TRIM2: variants seen among roughly 807,000 people sequenced by gnomAD.
The protein encoded by TRIM2 is tripartite motif containing 2.
A neutral mutation model predicts 75.2 loss-of-function variants in TRIM2; 20 were observed. The ratio of observed to expected loss-of-function variants is 0.27; its 90% CI spans 0.19 to 0.39. The LOEUF (loss-of-function observed/expected upper bound fraction) is 0.39, where lower values mean the gene tolerates loss of function less well. Ranked by LOEUF, TRIM2 falls within the 10% of genes least tolerant of loss-of-function variation. TRIM2 has a pLI of 1.00. For synonymous variants in TRIM2, 373 were observed against 388.3 expected (o/e 0.96, Z 0.46); for missense variants, 660 against 990.8 (o/e 0.67, Z 4.48).
chr4:153,334,760 C>A, intron 11 of TRIM2, 54 bp from the exon 12 acceptor site: 1 of 1,470,212 alleles, frequency 6.8e-7, no homozygotes, highest in South Asian at 1.3e-5. Flanking sequence ...AACCCATGTT[C>A]AGCATATTAC....
At chr4:153,278,484 A>C (rs949254604) in intron 3 of TRIM2, among the ~76,000 whole-genome samples, 1 of 152,122 alleles carries the variant, frequency 6.6e-6, no homozygotes, top group African/African-American at 2.4e-5. Flanking sequence ...AATTTACACC[A>C]GTGTCTATAG....
At chr4:153,279,009 G>A (rs1309966472) in intron 3 of TRIM2, among the ~76,000 whole-genome samples, 4 of 152,068 alleles carry the variant, frequency 2.6e-5, no homozygotes, top group Non-Finnish European at 5.9e-5. Context: ...CATGTTTGAC[G>A]TCAATTTCTT....
At chr4:153,270,291 A>T (rs1322896468) in intron 1 of TRIM2, 44 bp from the exon 2 acceptor site, 1 of 1,579,262 alleles carries the variant, frequency 6.3e-7, no homozygotes, top group Non-Finnish European at 8.6e-7. Context: ...ACTTGTACCT[A>T]CAGATCATTA....
chr4:153,206,815 C>T (rs979854132), intron 1 of TRIM2, among the ~76,000 whole-genome samples: 10 of 152,162 alleles, frequency 6.6e-5, no homozygotes, highest in East Asian at 5.8e-4. Flanking sequence ...AGCCCTCAGT[C>T]GTCAATCATC....
Position 153,314,321 on chromosome 4 carries a change from G to A in TRIM2, c.1511-1164G>A, listed in dbSNP as rs1235172095. 5.5e-5 allele frequency among the ~76,000 whole-genome samples: 8 copies of A among 146,726 alleles called. 1 individual carries two copies. The highest frequency in any genetic ancestry group is 7.9e-5 in the African/African-American group (3 of 37,784). On this transcript the variant is annotated intron_variant, in intron 6 of 11. Transcript: ENST00000338700. ...TGTAGTCCCAGCTACTTGGGAGGCT[G>A]AGGCAGGAGAATGGCGTGAACCCGG...
intron 1 of TRIM2, among the ~76,000 whole-genome samples, chr4:153,258,724 T>C (rs765961780): frequency 6.6e-6 from 1 of 152,214 alleles, no homozygotes; most frequent in African/African-American, 2.4e-5. Flanking sequence ...TTATTCCTTA[T>C]GAAAATTTGT....
chr4:153,304,040 C>G (rs1296692447), intron 6 of TRIM2, among the ~76,000 whole-genome samples: 1 of 152,124 alleles, frequency 6.6e-6, no homozygotes, highest in East Asian at 1.9e-4. Flanking sequence ...GCACAGAAGT[C>G]AGGATGGTGG....
At chr4:153,207,674 T>C (rs1177274922) in intron 1 of TRIM2, among the ~76,000 whole-genome samples, 1 of 152,162 alleles carries the variant, frequency 6.6e-6, no homozygotes, top group Non-Finnish European at 1.5e-5. Flanking sequence ...TGACATTGGA[T>C]AAAGGAAATG....
chr4:153,239,134 C>T (rs920807423), intron 1 of TRIM2, among the ~76,000 whole-genome samples: 5 of 152,120 alleles, frequency 3.3e-5, no homozygotes, highest in South Asian at 2.1e-4. Context: ...GGGTGGATCA[C>T]GAGGTCAGAT....
At chr4:153,218,791 T>C (rs1404503711) in intron 1 of TRIM2, among the ~76,000 whole-genome samples, 1 of 152,156 alleles carries the variant, frequency 6.6e-6, no homozygotes, top group African/African-American at 2.4e-5. Flanking sequence ...AGAGTAAGGA[T>C]TGTGGTGTAG....
intron 1 of TRIM2, among the ~76,000 whole-genome samples, chr4:153,213,654 A>G (rs1402964583): frequency 6.6e-6 from 1 of 152,064 alleles, no homozygotes; most frequent in Non-Finnish European, 1.5e-5. Flanking sequence ...CAGCCTTCCA[A>G]GTAGCTGGGA....
At position 153,295,820 on chromosome 4, in the gene TRIM2, C is replaced by T. The variant is rs1182732353; in HGVS notation, c.1294C>T (p.Leu432=). 4 of 1,613,994 alleles carry T rather than the reference C, an allele frequency of 2.5e-6. No individual in the cohort carries two copies. Among genetic ancestry groups the T allele is most frequent in the Non-Finnish European group, 3.4e-6 (4 of 1,180,010 alleles). ...VQKEGDFTLS[L]RLYDQHIRGS... ...GAAGGAAGGGGACTTTACCCTGTCT[C>T]TGAGACTCTATGACCAGCACATCCG... Residue 432 remains leucine (L), a synonymous_variant, in exon 6 of 12, where the codon CTG becomes TTG. Coordinates refer to ENST00000338700, the MANE Select transcript of TRIM2 (RefSeq NM_015271.5). This position sits in a 1 kb window ranked among gnomAD's most constrained non-coding sequence, Gnocchi z 7.2.
At chr4:153,200,683 C>A (rs376550514), upstream of TRIM2, among the ~76,000 whole-genome samples, 1 of 147,838 alleles carries the variant, frequency 6.8e-6, no homozygotes, top group East Asian at 2.0e-4. Flanking sequence ...TCTCCACATC[C>A]TCCTCAACAC....
At chr4:153,317,288 T>A (rs1219950073) in intron 8 of TRIM2, among the ~76,000 whole-genome samples, 1 of 152,078 alleles carries the variant, frequency 6.6e-6, no homozygotes, top group Non-Finnish European at 1.5e-5. Context: ...CTTATTACTG[T>A]TTGGCCATCT....
chr4:153,192,249 A>G (rs1243988994), intron 1 of TRIM2, among the ~76,000 whole-genome samples: 1 of 152,192 alleles, frequency 6.6e-6, no homozygotes, highest in Non-Finnish European at 1.5e-5. Flanking sequence ...AAAAGTGTCA[A>G]GTCTCTACAT....
chr4:153,192,211 C>T (rs757131668), intron 1 of TRIM2, among the ~76,000 whole-genome samples: 6 of 152,214 alleles, frequency 3.9e-5, no homozygotes, highest in Admixed American at 6.5e-5. Flanking sequence ...TTGAATTCCA[C>T]TATAACCAGC....
At chr4:153,172,317 A>C (rs1369666921) in intron 1 of TRIM2, among the ~76,000 whole-genome samples, 1 of 152,060 alleles carries the variant, frequency 6.6e-6, no homozygotes, top group African/African-American at 2.4e-5. Context: ...CCTCCCGAGT[A>C]GCTGGGACTA....
chr4:153,238,121 G>A (rs762842481), intron 1 of TRIM2, among the ~76,000 whole-genome samples: 1 of 152,086 alleles, frequency 6.6e-6, no homozygotes, highest in Non-Finnish European at 1.5e-5. Flanking sequence ...TTGTCCTTCT[G>A]CCCCTCTCCC....
At chr4:153,294,056 CTTAA>C (rs1762330205) in intron 4 of TRIM2, among the ~76,000 whole-genome samples, 2 of 152,194 alleles carry the variant, frequency 1.3e-5, no homozygotes, top group African/African-American at 2.4e-5. Flanking sequence ...AGTCTATACA[CTTAA>C]TTAATTATTA....
Sources: allele counts gnomAD v4.1 joint callset (sites outside exome capture counted in the v4.1 genomes callset), GRCh38; gene constraint gnomAD v4.1.1; non-coding constraint Gnocchi (gnomAD v3.1); transcripts MANE v1.5; gene names NCBI Gene and HGNC (gene_info 2026-07-23, HGNC 2026-07-21).